The following SEMA3C variants were observed in gnomAD, a reference collection of about 807,000 sequenced individuals.
SEMA3C encodes semaphorin-3C.
In SEMA3C, 47 loss-of-function variants were observed where a neutral mutation model predicts 89.4. The observed-to-expected ratio is 0.53, with a 90% confidence interval of 0.42 to 0.67. The LOEUF (loss-of-function observed/expected upper bound fraction) is 0.67, where lower values mean the gene tolerates loss of function less well. SEMA3C is among the 30% of genes least tolerant of loss of function. SEMA3C has a pLI of 0.00. For synonymous variants in SEMA3C, 310 were observed against 320.2 expected, an observed-to-expected ratio of 0.97 and a Z score of 0.34; for missense variants, 839 against 929.1, an observed-to-expected ratio of 0.90 and a Z score of 1.26.
At chr7:80,843,740 G>C (rs113912599) in intron 2 of SEMA3C, among the ~76,000 whole-genome samples, 3,460 of 152,064 alleles carry the variant, frequency 0.023, 127 homozygotes, top group African/African-American at 0.074. Flanking sequence ...AAAATCTATT[G>C]AATTAATATT....
intron 5 of SEMA3C, among the ~76,000 whole-genome samples, chr7:80,817,925 C>T (rs902973148): frequency 6.6e-6 from 1 of 152,012 alleles, no homozygotes; most frequent in African/African-American, 2.4e-5. Context: ...AATATTATTA[C>T]TGTATTACAT....
chr7:80,864,109 G>A (rs2116011092), intron 2 of SEMA3C, among the ~76,000 whole-genome samples: 1 of 152,018 alleles, frequency 6.6e-6, no homozygotes, highest in African/African-American at 2.4e-5. Context: ...GGATGAGACT[G>A]GAGACTACTA....
rs143366564 is a variant in SEMA3C at position 80,832,840 on chromosome 7, T to G, written c.104-4095A>C. On this transcript the variant is annotated intron_variant, in intron 2 of 17. Transcript: ENST00000265361. ...ATGAAATAAAAAGAAATCCTTGCAG[T>G]TTTTAGGCACCTTGAATTGAGGTTT... 4.8e-3 allele frequency among the ~76,000 whole-genome samples: 738 copies of G among 152,228 alleles called. 6 individuals are homozygous for G. Among genetic ancestry groups the G allele is most frequent in the African/African-American group, 0.017 (699 of 41,554 alleles).
Position 80,810,714 on chromosome 7 carries a change from TA to T in SEMA3C, c.448-14del. 1 of 1,584,988 alleles carries T rather than the reference TA, an allele frequency of 6.3e-7. No individual in the cohort carries two copies. The highest frequency in any genetic ancestry group is 8.7e-7 in the Non-Finnish European group (1 of 1,154,522). On this transcript the variant is annotated splice_polypyrimidine_tract_variant and intron_variant, in intron 5 of 17. Coordinates refer to ENST00000265361, the MANE Select transcript of SEMA3C (RefSeq NM_006379.5). ...TGAAAACTTGGTCCTTTATTGTAGA[TA>T]AAATTTAAAATGTGGCAATGATAAC...
At chr7:80,916,543 C>T (rs568417761) in intron 2 of SEMA3C, 136 bp downstream of exon 2, 2 of 688,026 alleles carry the variant, frequency 2.9e-6, no homozygotes, top group African/African-American at 1.8e-5. Flanking sequence ...AGCTATTGTC[C>T]TCCAAAACGC....
chr7:80,846,476 C>A (rs1187437295), intron 2 of SEMA3C, among the ~76,000 whole-genome samples: 1 of 152,186 alleles, frequency 6.6e-6, no homozygotes, highest in South Asian at 2.1e-4. Flanking sequence ...CCCGCCTCAG[C>A]CTCCTGAGTA....
chr7:80,767,882 G>C (rs1788339561), intron 12 of SEMA3C, among the ~76,000 whole-genome samples: 1 of 152,100 alleles, frequency 6.6e-6, no homozygotes, highest in Admixed American at 6.5e-5. Context: ...TTTATAGTTT[G>C]TGTTTTATGA....
At position 80,860,628 on chromosome 7, in the gene SEMA3C, T is replaced by C. The variant is rs78892081; in HGVS notation, c.104-31883A>G. On this transcript the variant is annotated intron_variant, in intron 2 of 17. Coordinates refer to ENST00000265361, the MANE Select transcript of SEMA3C (RefSeq NM_006379.5). ...GAGAGCAAGATCTAAGCTTAATGGG[T>C]AAAAATTCAGAGTTGAGGTTTGAGA... 3.5e-3 allele frequency among the ~76,000 whole-genome samples: 533 copies of C among 152,204 alleles called. 10 individuals are homozygous for C. Among genetic ancestry groups the C allele is most frequent in the East Asian group, 0.034 (177 of 5,178 alleles).
At chr7:80,871,812 C>T (rs532579985) in intron 2 of SEMA3C, among the ~76,000 whole-genome samples, 1 of 152,092 alleles carries the variant, frequency 6.6e-6, no homozygotes, top group East Asian at 1.9e-4. Context: ...AATTGAGTAC[C>T]TCAAAGAACT....
In SEMA3C at chr7:80,748,908, CTGTCTT is replaced by C; in HGVS notation, c.1826_1831del (p.Lys609_Asp610del). ...TGCTGCTTTACTCACCTCTTTCCTC[CTGTCTT>C]TGTCTTTCTGTAACAGCCACTTGAT... On this transcript the variant is annotated inframe_deletion, in exon 17 of 18. Coordinates refer to ENST00000265361, the MANE Select transcript of SEMA3C (RefSeq NM_006379.5). 1 of 1,611,376 alleles carries C rather than the reference CTGTCTT, an allele frequency of 6.2e-7. No individual in the cohort carries two copies. The highest frequency in any genetic ancestry group is 8.5e-7 in the Non-Finnish European group (1 of 1,178,874).
At chr7:80,784,986 C>A (rs891917576) in intron 12 of SEMA3C, among the ~76,000 whole-genome samples, 2 of 152,086 alleles carry the variant, frequency 1.3e-5, no homozygotes, top group Non-Finnish European at 2.9e-5. Context: ...GGTCAGAGGA[C>A]AACGCTCACT....
At chr7:80,754,948 T>TTTTTTTTTTTG (rs746451567) in intron 15 of SEMA3C, among the ~76,000 whole-genome samples, 3 of 27,370 alleles carry the variant, frequency 1.1e-4, no homozygotes, top group African/African-American at 5.0e-4. Flanking sequence ...TGGCGAATTG[T>TTTTTTTTTTTG]TTTTTTTTGT....
At chr7:80,797,979 C>G (rs1789106647) in intron 11 of SEMA3C, 113 bp downstream of exon 11, 1 of 1,040,762 alleles carries the variant, frequency 9.6e-7, no homozygotes, top group South Asian at 1.7e-5. Flanking sequence ...CCCTGGGCAA[C>G]AGAGTGAGAC....
chr7:80,804,034 TAA>T, intron 8 of SEMA3C, 70 bp downstream of exon 8: 1 of 1,363,682 alleles, frequency 7.3e-7, no homozygotes, highest in South Asian at 1.8e-5. Context: ...TGGTTGATAA[TAA>T]AAGCACGGAG....
At chr7:80,904,104 G>A (rs1169031782) in intron 2 of SEMA3C, among the ~76,000 whole-genome samples, 2 of 152,154 alleles carry the variant, frequency 1.3e-5, no homozygotes, top group African/African-American at 4.8e-5. Context: ...GCAGTAGCAA[G>A]ATCTCGGCTC....
upstream of SEMA3C, among the ~76,000 whole-genome samples, chr7:80,920,934 A>C (rs577793667): frequency 3.0e-4 from 46 of 152,212 alleles, no homozygotes; most frequent in Non-Finnish European, 4.3e-4. Context: ...AAATCATTAG[A>C]AAGATGAGTG....
At chr7:80,820,803 A>C (rs1789729022) in intron 4 of SEMA3C, among the ~76,000 whole-genome samples, 1 of 152,162 alleles carries the variant, frequency 6.6e-6, no homozygotes, top group Non-Finnish European at 1.5e-5. Context: ...ATGTAAAGGG[A>C]ATCTATGAGG....
intron 2 of SEMA3C, among the ~76,000 whole-genome samples, chr7:80,846,861 T>C (rs1790403186): frequency 1.3e-5 from 2 of 152,196 alleles, no homozygotes; most frequent in African/African-American, 4.8e-5. Flanking sequence ...TAAGAGGAGT[T>C]AAGTATGTGT....
intron 5 of SEMA3C, among the ~76,000 whole-genome samples, chr7:80,812,900 C>T (rs1354710890): frequency 1.3e-5 from 2 of 151,678 alleles, no homozygotes; most frequent in African/African-American, 4.8e-5. Context: ...GATTCTCATG[C>T]CTCAGGCTCT....
Sources: gnomAD v4.1 joint callset for allele counts (sites outside exome capture counted in the v4.1 genomes callset) on GRCh38, gnomAD v4.1.1 for gene constraint, MANE v1.5 for transcripts, NCBI Gene and HGNC (gene_info 2026-07-23, HGNC 2026-07-21) for gene names.